Variants in CFAP20DC observed in about 807,000 individuals in gnomAD.
CFAP20DC encodes protein CFAP20DC.
CFAP20DC carries 84 observed loss-of-function variants against 101.7 expected under a neutral mutation model. The ratio of observed to expected loss-of-function variants is 0.83; its 90% CI spans 0.69 to 0.99. The LOEUF is 0.99. Ranked by LOEUF, CFAP20DC falls within the 50% of genes least tolerant of loss-of-function variation. The pLI is 0.00. For missense variants in CFAP20DC, 1,007 were observed against 970.3 expected (o/e 1.04, Z -0.50); for synonymous variants, 359 against 351.2 (o/e 1.02, Z -0.25).
chr3:58,748,284 G>T (rs1054290152), intron 16 of CFAP20DC, among the ~76,000 whole-genome samples: 1 of 152,162 alleles, frequency 6.6e-6, no homozygotes, highest in Non-Finnish European at 1.5e-5. Flanking sequence ...TTTAAGCAAG[G>T]TATCAACGTT....
intron 4 of CFAP20DC, among the ~76,000 whole-genome samples, chr3:59,029,152 T>C (rs924088019): frequency 8.5e-5 from 13 of 152,186 alleles, no homozygotes; most frequent in African/African-American, 2.9e-4. Flanking sequence ...CCTTCATTCA[T>C]TAGTCCACCC....
intron 13 of CFAP20DC, among the ~76,000 whole-genome samples, chr3:58,838,001 C>G (rs1337013123): frequency 6.6e-6 from 1 of 152,120 alleles, no homozygotes; most frequent in Admixed American, 6.5e-5. Flanking sequence ...GATTCTCAAG[C>G]TAGGCATCAT....
chr3:58,815,953 G>A (rs997860374), intron 14 of CFAP20DC, among the ~76,000 whole-genome samples: 1 of 150,816 alleles, frequency 6.6e-6, no homozygotes, highest in Admixed American at 6.6e-5. Context: ...TCAGTGTGGC[G>A]ACTCCTCAGG....
In CFAP20DC at chr3:58,729,001, A is replaced by G. The variant is rs2067596836; in HGVS notation, c.198-11373T>C. Among the ~76,000 whole-genome samples, 1 of 152,108 alleles carries G rather than the reference A, an allele frequency of 6.6e-6. No homozygotes were observed. Among genetic ancestry groups the G allele is most frequent in the Non-Finnish European group, 1.5e-5 (1 of 68,020 alleles). Reference sequence around the variant, plus strand: ...TGTGGCTTCTTGGATCATTTCTCTGAAGGAAGCCAACCACAATGTTTCATA... The same window carrying G: ...TGTGGCTTCTTGGATCATTTCTCTGGAGGAAGCCAACCACAATGTTTCATA... On this transcript the variant is annotated intron_variant, in intron 3 of 3. Transcript: ENST00000486145. This position sits in a 1 kb window ranked among gnomAD's most constrained non-coding sequence, Gnocchi z 4.4.
chr3:58,962,847 C>A (rs1342837697), intron 4 of CFAP20DC, among the ~76,000 whole-genome samples: 1 of 151,998 alleles, frequency 6.6e-6, no homozygotes, highest in East Asian at 1.9e-4. Flanking sequence ...GCTTCCTGAC[C>A]CCCAGGGATA....
At chr3:58,753,695 C>G in intron 16 of CFAP20DC, 74 bp downstream of exon 16, 1 of 1,021,856 alleles carries the variant, frequency 9.8e-7, no homozygotes, top group Non-Finnish European at 1.5e-6. Context: ...AGTGGCATCT[C>G]AAAGTGATGG....
intron 5 of CFAP20DC, among the ~76,000 whole-genome samples, chr3:58,933,417 C>A (rs1302767145): frequency 6.6e-6 from 1 of 151,098 alleles, no homozygotes; most frequent in Admixed American, 6.6e-5. Context: ...CTGCACCAAG[C>A]GGACCTAATA....
chr3:58,722,864 G>A lies in CFAP20DC; in HGVS notation c.198-5236C>T, dbSNP rs544232643. On this transcript the variant is annotated intron_variant, in intron 3 of 3. Coordinates refer to the CFAP20DC transcript ENST00000486145. The surrounding 1 kb of genome is among the most constrained non-coding windows in gnomAD (Gnocchi z 4.5). ...CTGCCTCCCAGCAGAACTGTCTGTG[G>A]TGGAAATACCTGGGTGGTCTGATTC... 2.6e-5 allele frequency among the ~76,000 whole-genome samples: 4 copies of A among 152,336 alleles called. No homozygotes were observed. The East Asian group carries it at 7.7e-4, about 29-fold the overall frequency.
chr3:58,837,194 C>T lies in CFAP20DC; in HGVS notation c.1972-5305G>A, dbSNP rs139764805. ...AAACCTTAAGAGACCAGATGGCTTC[C>T]CTTTCCCTGCCCAAGTTTTATTAAA... On this transcript the variant is annotated intron_variant, in intron 13 of 16. Transcript: ENST00000482387. Among the ~76,000 whole-genome samples, 592 of 152,226 alleles carry T rather than the reference C, an allele frequency of 3.9e-3. 6 individuals carry two copies. The highest frequency in any genetic ancestry group is 0.013 in the African/African-American group (554 of 41,532).
At chr3:58,862,573 A>C in intron 12 of CFAP20DC, 8 of 985,398 alleles carry the variant, frequency 8.1e-6, no homozygotes, top group Non-Finnish European at 9.6e-6. Context: ...ACCCAGAATT[A>C]CTGCTTAAAC....
chr3:58,858,896 T>A (rs1373047873), intron 12 of CFAP20DC, among the ~76,000 whole-genome samples: 1 of 152,188 alleles, frequency 6.6e-6, no homozygotes, highest in Admixed American at 6.5e-5. Context: ...GCACAGTTAT[T>A]TGCACAAATT....
chr3:58,848,164 T>G (rs1405075335), intron 13 of CFAP20DC, among the ~76,000 whole-genome samples: 1 of 21,900 alleles, frequency 4.6e-5, no homozygotes, highest in African/African-American at 3.7e-4. Flanking sequence ...ACTTAAAGTA[T>G]AATTAAAAAA....
chr3:58,981,851 AC>A (rs1465992340), intron 4 of CFAP20DC, among the ~76,000 whole-genome samples: 1 of 152,220 alleles, frequency 6.6e-6, no homozygotes, highest in Non-Finnish European at 1.5e-5. Flanking sequence ...GCCAAAATTG[AC>A]AAATGGGATC....
intron 4 of CFAP20DC, chr3:59,017,218 T>C (rs1398172012): frequency 6.6e-6 from 1 of 152,160 alleles, no homozygotes; most frequent in Non-Finnish European, 1.5e-5. Context: ...AATTTTGAAA[T>C]TGCCTGGTGG....
rs1182883247 is a variant in CFAP20DC, at chr3:58,884,724, A to T, written c.551-15T>A. 1.3e-6 allele frequency: 2 copies of T among 1,588,090 alleles called. No individual in the cohort carries two copies. Among genetic ancestry groups the T allele is most frequent in the South Asian group, 2.3e-5 (2 of 87,508 alleles). ...ACCATAGACAGCTGGAAATAAAGAC[A>T]AACATTCATTTTCAAAATGTAAGCC... On this transcript the variant is annotated splice_polypyrimidine_tract_variant and intron_variant, in intron 6 of 16. Transcript: ENST00000482387.
intron 4 of CFAP20DC, among the ~76,000 whole-genome samples, chr3:58,962,012 T>C (rs1027103560): frequency 3.9e-5 from 6 of 152,224 alleles, no homozygotes; most frequent in African/African-American, 1.4e-4. Context: ...TTTACTCTTT[T>C]CTGATCTGTG....
chr3:58,971,332 T>C lies in CFAP20DC; in HGVS notation c.279-33570A>G, dbSNP rs962096275. Among the ~76,000 whole-genome samples, 1 of 152,162 alleles carries C rather than the reference T, an allele frequency of 6.6e-6. No homozygotes were observed. The highest frequency in any genetic ancestry group is 1.5e-5 in the Non-Finnish European group (1 of 68,016). On this transcript the variant is annotated intron_variant, in intron 4 of 16. Transcript: ENST00000482387. The surrounding 1 kb of genome is among the most constrained non-coding windows in gnomAD (Gnocchi z 4.1). ...ATTTATAGTCTTGAAAACTTTTTTT[T>C]AAAGTTTAAAATAAATTGCGCACCA...
chr3:58,812,947 C>G (rs1473384171), intron 14 of CFAP20DC, among the ~76,000 whole-genome samples: 2 of 151,774 alleles, frequency 1.3e-5, no homozygotes, highest in Non-Finnish European at 1.5e-5. Flanking sequence ...CAAAACCAAA[C>G]AAGATATCTC....
At chr3:58,921,420 C>T (rs2085352225) in intron 5 of CFAP20DC, among the ~76,000 whole-genome samples, 1 of 152,056 alleles carries the variant, frequency 6.6e-6, no homozygotes, top group South Asian at 2.1e-4. Context: ...ACATCCCACA[C>T]ATTTTGGTGT....
Sources: allele counts gnomAD v4.1 joint callset (sites outside exome capture counted in the v4.1 genomes callset), GRCh38; gene constraint gnomAD v4.1.1; non-coding constraint Gnocchi (gnomAD v3.1); transcripts MANE v1.5; gene names NCBI Gene and HGNC (gene_info 2026-07-23, HGNC 2026-07-21).